CPA6: variants seen among roughly 807,000 people sequenced by gnomAD.
CPA6 encodes carboxypeptidase A6.
CPA6 carries 58 observed loss-of-function variants against 63.3 expected under a neutral mutation model. The ratio of observed to expected loss-of-function variants is 0.92; its 90% CI spans 0.74 to 1.14. The LOEUF (loss-of-function observed/expected upper bound fraction) is 1.14, where lower values mean the gene tolerates loss of function less well. Among genes scored for constraint, CPA6 ranks in the 50% most tolerant of loss-of-function variants. The pLI is 0.00. For missense variants in CPA6, 565 were observed against 526.6 expected (o/e 1.07, Z -0.71); for synonymous variants, 185 against 179.0 (o/e 1.03, Z -0.27).
intron 1 of CPA6, among the ~76,000 whole-genome samples, chr8:67,733,757 G>C (rs77740402): frequency 0.038 from 5,826 of 151,678 alleles, 146 homozygotes; most frequent in Non-Finnish European, 0.054. Context: ...GGAAAGGAGT[G>C]GGGGGCGGTG....
chr8:67,601,995 G>A (rs1440081831), intron 2 of CPA6, among the ~76,000 whole-genome samples: 1 of 152,114 alleles, frequency 6.6e-6, no homozygotes, highest in African/African-American at 2.4e-5. Context: ...AGGAAATCTG[G>A]TATATCTATG....
chr8:67,666,968 G>T (rs1320147683), intron 1 of CPA6, among the ~76,000 whole-genome samples: 16 of 152,106 alleles, frequency 1.1e-4, no homozygotes, highest in Admixed American at 7.9e-4. Context: ...TTACATATCT[G>T]CATTCCTTTT....
Position 67,634,658 on chromosome 8 carries a change from G to A in CPA6, c.117-10407C>T, listed in dbSNP as rs190146565. ...CAATGAGTTCTAACCCTTAAATTGA[G>A]GGGAAGGACCAATGAACCACTGCAT... On this transcript the variant is annotated intron_variant, in intron 1 of 10. Transcript: ENST00000297770. Among the ~76,000 whole-genome samples the A allele has an allele frequency of 5.3e-5, 8 of 151,626 alleles. No homozygotes were observed. The South Asian group carries it at 1.7e-3, about 31-fold the overall frequency.
chr8:67,681,708 T>G (rs1816602550), intron 1 of CPA6, among the ~76,000 whole-genome samples: 1 of 152,216 alleles, frequency 6.6e-6, no homozygotes, highest in Non-Finnish European at 1.5e-5. Flanking sequence ...GAAGAATCAA[T>G]TGGCCATACA....
At chr8:67,631,367 T>C (rs933356270) in intron 1 of CPA6, among the ~76,000 whole-genome samples, 9 of 152,166 alleles carry the variant, frequency 5.9e-5, no homozygotes, top group African/African-American at 9.7e-5. Context: ...CATTCAGCAC[T>C]CTGTGTCTAG....
intron 1 of CPA6, among the ~76,000 whole-genome samples, chr8:67,737,913 C>A (rs145727424): frequency 6.6e-6 from 1 of 152,148 alleles, no homozygotes; most frequent in Admixed American, 6.5e-5. Context: ...ATCCTTTTAC[C>A]TTTATGGAGT....
intron 2 of CPA6, among the ~76,000 whole-genome samples, chr8:67,574,559 A>G (rs927695479): frequency 2.0e-5 from 3 of 152,238 alleles, no homozygotes; most frequent in Non-Finnish European, 2.9e-5. Context: ...CCAATGGAAC[A>G]GAACAGAAAT....
chr8:67,678,751 T>C (rs1816531970), intron 1 of CPA6, among the ~76,000 whole-genome samples: 1 of 152,196 alleles, frequency 6.6e-6, no homozygotes, highest in African/African-American at 2.4e-5. Context: ...ATTCATACCA[T>C]ATACCCAACA....
chr8:67,624,032 A>T, intron 2 of CPA6, 144 bp downstream of exon 2: 1 of 510,340 alleles, frequency 2.0e-6, no homozygotes, highest in Non-Finnish European at 3.4e-6. Flanking sequence ...AAATAAAATA[A>T]AATAAAATAA....
chr8:67,480,589 GT>G (rs1217625799), intron 8 of CPA6, among the ~76,000 whole-genome samples: 2 of 152,128 alleles, frequency 1.3e-5, no homozygotes, highest in Non-Finnish European at 2.9e-5. Flanking sequence ...CATTTGGGTT[GT>G]TTCCACTTTT....
intron 10 of CPA6, among the ~76,000 whole-genome samples, chr8:67,425,763 C>T (rs1041451483): frequency 7.2e-5 from 11 of 152,208 alleles, no homozygotes; most frequent in Non-Finnish European, 1.6e-4. Flanking sequence ...AGAAAATAGG[C>T]TGTGGCTTCA....
rs186820816 is a variant in CPA6 at position 67,637,921 on chromosome 8, G to T, written c.117-13670C>A. On this transcript the variant is annotated intron_variant, in intron 1 of 10. Transcript: ENST00000297770. The stretch of plus-strand genomic sequence containing the variant: ...AGGAATTTATCTGCCAGCATAATTT[G>T]TTGGGCTCAATACCCTGAAATATCC... 4.6e-5 allele frequency among the ~76,000 whole-genome samples: 7 copies of T among 151,288 alleles called. No individual in the cohort carries two copies. In the East Asian group the frequency reaches 1.4e-3, roughly 29 times the overall value.
chr8:67,457,315 T>A (rs1045868112), intron 8 of CPA6, among the ~76,000 whole-genome samples: 1 of 152,216 alleles, frequency 6.6e-6, no homozygotes, highest in Non-Finnish European at 1.5e-5. Context: ...ATGAATGAAT[T>A]TATTAATGTG....
chr8:67,528,115 G>A (rs1201022506), intron 2 of CPA6, among the ~76,000 whole-genome samples: 1 of 152,220 alleles, frequency 6.6e-6, no homozygotes, highest in Non-Finnish European at 1.5e-5. Context: ...GTACAACAAT[G>A]AGCAAGACAG....
intron 8 of CPA6, among the ~76,000 whole-genome samples, chr8:67,437,954 C>T (rs558661453): frequency 1.1e-4 from 17 of 152,214 alleles, no homozygotes; most frequent in South Asian, 8.3e-4. Flanking sequence ...CTTGCTCAGT[C>T]GCTCAGGCTG....
chr8:67,539,415 T>C (rs1478315646), intron 2 of CPA6, among the ~76,000 whole-genome samples: 1 of 152,236 alleles, frequency 6.6e-6, no homozygotes, highest in Non-Finnish European at 1.5e-5. Flanking sequence ...TCTTTCTGTC[T>C]GGCTGCCCTT....
At chr8:67,598,903 GTT>G (rs5892086) in intron 2 of CPA6, among the ~76,000 whole-genome samples, 7 of 150,236 alleles carry the variant, frequency 4.7e-5, no homozygotes, top group African/African-American at 1.7e-4. Context: ...TCCTTTAAGT[GTT>G]TTTTTTTAAT....
intron 2 of CPA6, among the ~76,000 whole-genome samples, chr8:67,548,611 G>A (rs1812874747): frequency 6.6e-6 from 1 of 152,132 alleles, no homozygotes; most frequent in African/African-American, 2.4e-5. Context: ...ACAACTATGA[G>A]ATGATATGTG....
chr8:67,471,515 T>G (rs535911150), intron 8 of CPA6, among the ~76,000 whole-genome samples: 2 of 152,374 alleles, frequency 1.3e-5, no homozygotes, highest in East Asian at 1.9e-4. Context: ...TAGTGTTGTT[T>G]TTTTTTGTTT....
Sources: gnomAD v4.1 joint callset for allele counts (sites outside exome capture counted in the v4.1 genomes callset) on GRCh38, gnomAD v4.1.1 for gene constraint, MANE v1.5 for transcripts, NCBI Gene and HGNC (gene_info 2026-07-23, HGNC 2026-07-21) for gene names.